The following POU6F2 variants were observed in gnomAD, a reference collection of about 807,000 sequenced individuals.
POU6F2 encodes POU class 6 homeobox 2, also known as POU domain, class 6, transcription factor 2.
A neutral mutation model predicts 71.3 loss-of-function variants in POU6F2; 31 were observed. That is an observed-to-expected ratio of 0.43 (90% CI 0.33 to 0.59). The LOEUF is 0.59. Among genes scored for constraint, POU6F2 ranks in the 20% least tolerant of loss-of-function variants. POU6F2 has a pLI of 0.04. For missense variants in POU6F2, 783 were observed against 856.8 expected, an observed-to-expected ratio of 0.91 and a Z score of 1.07; for synonymous variants, 347 against 355.7, an observed-to-expected ratio of 0.98 and a Z score of 0.27.
intron 2 of POU6F2, among the ~76,000 whole-genome samples, chr7:39,186,888 A>C (rs1793551150): frequency 6.6e-6 from 1 of 152,156 alleles, no homozygotes; most frequent in Non-Finnish European, 1.5e-5. Flanking sequence ...AATGCTCAGA[A>C]TCTCAGTATC....
chr7:39,450,827 G>T (rs1251062000), intron 7 of POU6F2, among the ~76,000 whole-genome samples: 1 of 152,128 alleles, frequency 6.6e-6, no homozygotes, highest in Non-Finnish European at 1.5e-5. Context: ...TGAGAGAGGG[G>T]TGGAAATAGT....
chr7:39,050,997 A>G (rs1790390284), intron 1 of POU6F2, among the ~76,000 whole-genome samples: 1 of 152,022 alleles, frequency 6.6e-6, no homozygotes, highest in Non-Finnish European at 1.5e-5. Flanking sequence ...CCACCAATTC[A>G]TTCGCCTCTT....
intron 2 of POU6F2, among the ~76,000 whole-genome samples, chr7:39,195,141 A>C (rs144685443): frequency 6.6e-6 from 1 of 152,296 alleles, no homozygotes; most frequent in Non-Finnish European, 1.5e-5. Flanking sequence ...TCATATTCCT[A>C]TTGTCCCAAT....
In POU6F2 at chr7:39,323,584, A is replaced by G. The variant is rs191512918; in HGVS notation, c.599-16058A>G. Among the ~76,000 whole-genome samples the G allele has an allele frequency of 3.9e-5, 6 of 152,176 alleles. No individual in the cohort carries two copies. In the East Asian group the frequency reaches 1.2e-3, roughly 29 times the overall value. On this transcript the variant is annotated intron_variant, in intron 4 of 9. Transcript: ENST00000518318. ...TCTCTAGAAAAGTGGGTTGAAGTCA[A>G]AGTGCCCCCCCTCATTCTCTAATAT...
At chr7:39,341,379 C>T (rs373638813) in intron 5 of POU6F2, among the ~76,000 whole-genome samples, 4 of 152,148 alleles carry the variant, frequency 2.6e-5, no homozygotes, top group East Asian at 1.9e-4. Flanking sequence ...ACAATTCTTA[C>T]GATGGTGAGA....
In POU6F2 at chr7:39,119,902, T is replaced by C. The variant is rs1792006874; in HGVS notation, c.277+33871T>C. On this transcript the variant is annotated intron_variant, in intron 2 of 9. Transcript: ENST00000518318. ...TGCGTTAAAACAAAGGGCTTGCAAT[T>C]CACAGAATTAGAAGGCACATACGAT... is the stretch of plus-strand genomic sequence containing the variant. Among the ~76,000 whole-genome samples, 4 of 152,318 alleles carry C rather than the reference T, an allele frequency of 2.6e-5. No individual in the cohort carries two copies. The South Asian group carries it at 8.3e-4, about 32-fold the overall frequency.
At chr7:39,358,083 G>T (rs182328075) in intron 5 of POU6F2, among the ~76,000 whole-genome samples, 104 of 152,260 alleles carry the variant, frequency 6.8e-4, no homozygotes, top group African/African-American at 2.5e-3. Flanking sequence ...CTGTAAAAAA[G>T]AAAAAGCATG....
At position 39,009,918 on chromosome 7, in the gene POU6F2, G is replaced by C. The variant is rs988830378; in HGVS notation, c.105+31860G>C. ...AGCTTTTTGATGTGCTGCTGGATTC[G>C]GTTTGCCAGTATTTTATTGAGGATT... On this transcript the variant is annotated intron_variant, in intron 1 of 9. Transcript: ENST00000518318. Among the ~76,000 whole-genome samples, 3 of 151,690 alleles carry C rather than the reference G, an allele frequency of 2.0e-5. No individual in the cohort carries two copies. The East Asian group carries it at 5.8e-4, about 29-fold the overall frequency.
intron 5 of POU6F2, among the ~76,000 whole-genome samples, chr7:39,340,333 A>T (rs1785890336): frequency 6.6e-6 from 1 of 152,274 alleles, no homozygotes; most frequent in East Asian, 1.9e-4. Flanking sequence ...TTTTGAAGGC[A>T]GCAAAGATAG....
intron 2 of POU6F2, among the ~76,000 whole-genome samples, chr7:39,153,069 G>T (rs1792794033): frequency 6.6e-6 from 1 of 152,146 alleles, no homozygotes; most frequent in Non-Finnish European, 1.5e-5. Flanking sequence ...CTTTTGGCAG[G>T]TTTATCTGCT....
chr7:39,250,900 T>C (rs1783903867), intron 4 of POU6F2, among the ~76,000 whole-genome samples: 1 of 152,220 alleles, frequency 6.6e-6, no homozygotes, highest in Non-Finnish European at 1.5e-5. Context: ...AGGAACTTGC[T>C]ATCATGAATA....
intron 1 of POU6F2, among the ~76,000 whole-genome samples, chr7:39,067,369 G>C (rs1790778556): frequency 6.6e-6 from 1 of 151,696 alleles, no homozygotes; most frequent in African/African-American, 2.4e-5. Flanking sequence ...TTTGTGGACA[G>C]GGAAGTGATT....
chr7:39,129,236 A>G (rs139522128), intron 2 of POU6F2, among the ~76,000 whole-genome samples: 1 of 152,144 alleles, frequency 6.6e-6, no homozygotes, highest in African/African-American at 2.4e-5. Flanking sequence ...AAGGTTAGCA[A>G]CTCCAAAGAT....
intron 1 of POU6F2, among the ~76,000 whole-genome samples, chr7:39,045,545 G>T (rs1363653380): frequency 1.7e-4 from 25 of 143,220 alleles, no homozygotes; most frequent in African/African-American, 5.1e-4. Context: ...TCTTTAGCTT[G>T]TTTTTTTTTT....
intron 2 of POU6F2, among the ~76,000 whole-genome samples, chr7:39,131,854 G>A (rs1415286856): frequency 6.7e-6 from 1 of 148,720 alleles, no homozygotes; most frequent in Non-Finnish European, 1.5e-5. Context: ...TTTTTTTTAT[G>A]TTTTTAAATT....
At chr7:39,280,082 G>C (rs1385700124) in intron 4 of POU6F2, among the ~76,000 whole-genome samples, 1 of 151,992 alleles carries the variant, frequency 6.6e-6, no homozygotes, top group Non-Finnish European at 1.5e-5. Context: ...ATTCATATTA[G>C]GTAAGGACCC....
At position 39,190,869 on chromosome 7, in the gene POU6F2, C is replaced by T. The variant is rs544257595; in HGVS notation, c.278-13366C>T. Among the ~76,000 whole-genome samples, 238 of 151,892 alleles carry T rather than the reference C, an allele frequency of 1.6e-3. 1 individual carries two copies. The highest frequency in any genetic ancestry group is 3.0e-3 in the Non-Finnish European group (202 of 67,940). ...GTCAGGCTGGTCTCGAACTCCTGAC[C>T]TCGTGATCTGCCTGCCTCAGCTCCC... On this transcript the variant is annotated intron_variant, in intron 2 of 9. Coordinates refer to ENST00000518318, the MANE Select transcript of POU6F2 (RefSeq NM_001370959.1).
At chr7:39,307,551 GATTA>G (rs1258776453) in intron 4 of POU6F2, among the ~76,000 whole-genome samples, 5 of 152,166 alleles carry the variant, frequency 3.3e-5, no homozygotes, top group Non-Finnish European at 5.9e-5. Flanking sequence ...CCTCTGTCAT[GATTA>G]ATCTTTTTTT....
chr7:39,064,731 TA>T (rs1452572743), intron 1 of POU6F2, among the ~76,000 whole-genome samples: 1 of 151,668 alleles, frequency 6.6e-6, no homozygotes, highest in Non-Finnish European at 1.5e-5. Flanking sequence ...ACACCTAAAA[TA>T]AGACATAAAA....
Sources: gnomAD v4.1 joint callset for allele counts (sites outside exome capture counted in the v4.1 genomes callset) on GRCh38, gnomAD v4.1.1 for gene constraint, MANE v1.5 for transcripts, NCBI Gene and HGNC (gene_info 2026-07-23, HGNC 2026-07-21) for gene names.